The following ZMAT5 variants were observed in gnomAD, a reference collection of about 807,000 sequenced individuals.
ZMAT5 encodes the protein zinc finger matrin-type 5.
A neutral mutation model predicts 28.0 loss-of-function variants in ZMAT5; 23 were observed. That is an observed-to-expected ratio of 0.82 (90% CI 0.59 to 1.16). The LOEUF (loss-of-function observed/expected upper bound fraction) is 1.16. ZMAT5 is among the 50% of genes most tolerant of loss of function. The pLI, the probability that ZMAT5 is intolerant of heterozygous loss-of-function variation, is 0.00. For missense variants in ZMAT5, 173 were observed against 212.7 expected, an observed-to-expected ratio of 0.81 and a Z score of 1.16; for synonymous variants, 76 against 84.1, an observed-to-expected ratio of 0.90 and a Z score of 0.52.
At chr22:29,736,758 C>T (rs2067908916) in intron 5 of ZMAT5, among the ~76,000 whole-genome samples, 1 of 144,334 alleles carries the variant, frequency 6.9e-6, no homozygotes, top group African/African-American at 2.6e-5. Context: ...GGCGCGGTGG[C>T]TGACACCTGT....
At chr22:29,759,190 T>C (rs1327360814) in intron 1 of ZMAT5, among the ~76,000 whole-genome samples, 1 of 152,004 alleles carries the variant, frequency 6.6e-6, no homozygotes, top group Non-Finnish European at 1.5e-5. Context: ...AGTTTCCAAA[T>C]AGGAAAGGTA....
intron 2 of ZMAT5, among the ~76,000 whole-genome samples, chr22:29,743,359 C>T (rs928022573): frequency 1.3e-5 from 2 of 152,116 alleles, no homozygotes; most frequent in Admixed American, 6.5e-5. Flanking sequence ...ACAGGACTTC[C>T]GACAATCACT....
chr22:29,765,165 T>C (rs1386302016), intron 1 of ZMAT5, among the ~76,000 whole-genome samples: 1 of 151,874 alleles, frequency 6.6e-6, no homozygotes, highest in Non-Finnish European at 1.5e-5. Flanking sequence ...ACACCTGTAA[T>C]CCCGGCACTT....
chr22:29,761,008 C>T (rs1601731562), intron 1 of ZMAT5, among the ~76,000 whole-genome samples: 2 of 152,168 alleles, frequency 1.3e-5, no homozygotes, highest in Non-Finnish European at 2.9e-5. Flanking sequence ...GGCACGGTGG[C>T]TCACGCCTGT....
At chr22:29,752,378 C>T (rs1472532844) in intron 1 of ZMAT5, among the ~76,000 whole-genome samples, 1 of 152,190 alleles carries the variant, frequency 6.6e-6, no homozygotes, top group Non-Finnish European at 1.5e-5. Context: ...CTCTCTCACC[C>T]CCTCCACTCC....
intron 1 of ZMAT5, among the ~76,000 whole-genome samples, chr22:29,751,110 T>A (rs1233261642): frequency 6.6e-6 from 1 of 152,178 alleles, no homozygotes; most frequent in East Asian, 1.9e-4. Flanking sequence ...GGCCGAGTGC[T>A]AAACCAAGCC....
At chr22:29,760,037 C>T (rs2068141285) in intron 1 of ZMAT5, among the ~76,000 whole-genome samples, 1 of 152,044 alleles carries the variant, frequency 6.6e-6, no homozygotes, top group Admixed American at 6.6e-5. Flanking sequence ...CCCATCTCTA[C>T]TAAAATACAA....
intron 5 of ZMAT5, among the ~76,000 whole-genome samples, chr22:29,732,591 T>C (rs898520563): frequency 1.3e-5 from 2 of 151,384 alleles, no homozygotes; most frequent in Non-Finnish European, 2.9e-5. Context: ...CAAAAAAAAA[T>C]TAGCCGGGTG....
chr22:29,753,897 A>C (rs1370145009), intron 1 of ZMAT5, among the ~76,000 whole-genome samples: 3 of 152,028 alleles, frequency 2.0e-5, no homozygotes, highest in African/African-American at 7.2e-5. Flanking sequence ...CTCCTGAACC[A>C]AATGCCTCCC....
rs2067843979 is a variant in ZMAT5 at position 29,731,493 on chromosome 22, G to A, written c.384-139C>T. ...TGACTTTTCTGGAAGGCAGAGCCTC[G>A]AAAATAGGCAGACCGTTTGAGCCAG... On this transcript the variant is annotated intron_variant, in intron 5 of 5. Transcript: ENST00000344318. 5.9e-6 allele frequency: 7 copies of A among 1,182,196 alleles called. No individual in the cohort carries two copies. The South Asian group carries it at 6.7e-5, about 11-fold the overall frequency. The allele number at this position is 1,182,196 out of a possible 1,614,324, so 73.2% of individuals were successfully genotyped here. A position where few individuals can be genotyped will look rare whatever the true frequency, so the allele number is the denominator to read the frequency against.
intron 1 of ZMAT5, among the ~76,000 whole-genome samples, chr22:29,760,354 CA>C (rs2068145109): frequency 7.1e-6 from 1 of 140,026 alleles, no homozygotes; most frequent in African/African-American, 2.7e-5. Context: ...GCCTGAGTGA[CA>C]GAGACAGACT....
chr22:29,753,884 G>A (rs921466542), intron 1 of ZMAT5, among the ~76,000 whole-genome samples: 1 of 151,992 alleles, frequency 6.6e-6, no homozygotes, highest in Admixed American at 6.6e-5. Flanking sequence ...TAAAATTCTA[G>A]AGCTCCTGAA....
intron 1 of ZMAT5, among the ~76,000 whole-genome samples, chr22:29,761,141 T>A (rs1416504261): frequency 6.6e-6 from 1 of 151,474 alleles, no homozygotes; most frequent in East Asian, 1.9e-4. Context: ...GGCGTGGTGG[T>A]GCGCACCCAT....
At chr22:29,766,178 C>T (rs1381807679) in intron 1 of ZMAT5, among the ~76,000 whole-genome samples, 2 of 152,136 alleles carry the variant, frequency 1.3e-5, no homozygotes, top group Admixed American at 1.3e-4. Flanking sequence ...AACAAGACTC[C>T]GTAAGGTGGG....
chr22:29,731,537 C>T, intron 5 of ZMAT5, 183 bp from the exon 6 acceptor site: 1 of 688,992 alleles, frequency 1.5e-6, no homozygotes, highest in Non-Finnish European at 2.2e-6. Context: ...CCTCTAGGAA[C>T]TGAGCCCAAG....
chr22:29,734,216 T>C (rs2067882216), intron 5 of ZMAT5, among the ~76,000 whole-genome samples: 1 of 152,140 alleles, frequency 6.6e-6, no homozygotes, highest in Non-Finnish European at 1.5e-5. Flanking sequence ...TCTTGACAGA[T>C]CCCTCAGGGT....
intron 4 of ZMAT5, among the ~76,000 whole-genome samples, chr22:29,740,123 A>G (rs2067947812): frequency 6.6e-6 from 1 of 152,218 alleles, no homozygotes; most frequent in East Asian, 1.9e-4. Context: ...CATCTCAGTC[A>G]GAACTTCCTT....
chr22:29,754,417 G>A (rs1231778383), intron 1 of ZMAT5, among the ~76,000 whole-genome samples: 8 of 152,246 alleles, frequency 5.3e-5, no homozygotes, highest in Non-Finnish European at 8.8e-5. Flanking sequence ...GGCAAGGCTA[G>A]TGGGACAACC....
intron 5 of ZMAT5, among the ~76,000 whole-genome samples, chr22:29,735,267 A>T (rs942267750): frequency 6.6e-6 from 1 of 152,206 alleles, no homozygotes; most frequent in African/African-American, 2.4e-5. Context: ...CCCTTCCCAC[A>T]GCCCCTTTTT....
Sources: gnomAD v4.1 joint callset for allele counts (sites outside exome capture counted in the v4.1 genomes callset) on GRCh38, gnomAD v4.1.1 for gene constraint, MANE v1.5 for transcripts, NCBI Gene and HGNC (gene_info 2026-07-23, HGNC 2026-07-21) for gene names.